Variants in TMEM154 observed in about 807,000 individuals in gnomAD.
TMEM154 encodes the protein transmembrane protein 154.
In TMEM154, 27 loss-of-function variants were observed where a neutral mutation model predicts 24.5. That is an observed-to-expected ratio of 1.10 (90% CI 0.81 to 1.52). The LOEUF (loss-of-function observed/expected upper bound fraction) is 1.52, where lower values mean the gene tolerates loss of function less well. Ranked by LOEUF, TMEM154 falls within the 40% of genes most tolerant of loss-of-function variation. TMEM154 has a pLI of 0.00. For synonymous variants in TMEM154, 67 were observed against 76.8 expected (o/e 0.87, Z 0.67); for missense variants, 228 against 213.4 (o/e 1.07, Z -0.43).
chr4:152,630,249 C>T (rs1407614629), intron 6 of TMEM154, among the ~76,000 whole-genome samples: 2 of 131,890 alleles, frequency 1.5e-5, no homozygotes, highest in Non-Finnish European at 1.5e-5. Context: ...CCGTTCGAGG[C>T]TGTAGTGAGC....
intron 1 of TMEM154, among the ~76,000 whole-genome samples, chr4:152,661,708 C>G (rs940639758): frequency 2.6e-5 from 4 of 152,146 alleles, no homozygotes; most frequent in Non-Finnish European, 5.9e-5. Flanking sequence ...GAGTGATCCC[C>G]AAGGTCCCAT....
chr4:152,679,910 T>C lies in TMEM154; in HGVS notation c.24A>G (p.Leu8=), dbSNP rs762842799. 38 of 1,610,880 alleles carry C rather than the reference T, an allele frequency of 2.4e-5. No homozygotes were observed. The African/African-American group carries it at 4.5e-4, about 19-fold the overall frequency. ...CGAGCGCGATCACCAGGGCGAAGAC[T>C]AGGGCTGCGCGGGGAGCCTGCATGT... MQAPRAA[L]VFALVIALVP... The change falls in exon 1 of 7, where the codon CTA becomes CTG. Residue 8 remains leucine (L), a synonymous_variant. Coordinates refer to ENST00000304385, the MANE Select transcript of TMEM154 (RefSeq NM_152680.3).
intron 1 of TMEM154, among the ~76,000 whole-genome samples, chr4:152,664,255 G>A (rs767476744): frequency 3.9e-5 from 6 of 152,014 alleles, no homozygotes; most frequent in East Asian, 1.9e-4. Flanking sequence ...GCCATCATTC[G>A]CAGCAAACTA....
intron 6 of TMEM154, among the ~76,000 whole-genome samples, chr4:152,638,640 T>A (rs947310869): frequency 3.9e-5 from 6 of 152,230 alleles, no homozygotes; most frequent in Non-Finnish European, 8.8e-5. Context: ...CTTACTTTGT[T>A]CTGGGCTTTG....
chr4:152,647,043 C>T (rs189601075), intron 3 of TMEM154: 3 of 781,742 alleles, frequency 3.8e-6, no homozygotes, highest in African/African-American at 3.4e-5. Context: ...GTTTCCCTTT[C>T]CCTGAACATG....
chr4:152,641,174 T>A (rs1331383940), intron 5 of TMEM154, 189 bp from the exon 6 acceptor site: 1 of 536,952 alleles, frequency 1.9e-6, no homozygotes, highest in African/African-American at 2.0e-5. Flanking sequence ...AAAGCACTAA[T>A]AACACAGATG....
At chr4:152,648,686 G>C (rs1289523977) in intron 3 of TMEM154, among the ~76,000 whole-genome samples, 1 of 152,200 alleles carries the variant, frequency 6.6e-6, no homozygotes, top group Non-Finnish European at 1.5e-5. Context: ...CCATGTCTGA[G>C]GTTGAGGCTG....
chr4:152,667,859 C>T (rs991038825), intron 1 of TMEM154, among the ~76,000 whole-genome samples: 1 of 152,232 alleles, frequency 6.6e-6, no homozygotes, highest in African/African-American at 2.4e-5. Flanking sequence ...AAAACACTTT[C>T]AGCCAGTAGT....
intron 1 of TMEM154, among the ~76,000 whole-genome samples, chr4:152,653,390 ATTT>A (rs56224803): frequency 3.5e-5 from 5 of 141,934 alleles, no homozygotes; most frequent in Admixed American, 7.1e-5. Context: ...CTGTGTCCTA[ATTT>A]TTTTTTTTTT....
At chr4:152,675,865 C>T (rs1331765305) in intron 1 of TMEM154, among the ~76,000 whole-genome samples, 2 of 152,178 alleles carry the variant, frequency 1.3e-5, no homozygotes, top group East Asian at 3.8e-4. Flanking sequence ...TTGAGCCCAT[C>T]CCAGTCAATA....
At chr4:152,653,539 GC>G (rs1728430916) in intron 1 of TMEM154, among the ~76,000 whole-genome samples, 2 of 151,554 alleles carry the variant, frequency 1.3e-5, no homozygotes, top group South Asian at 4.2e-4. Flanking sequence ...ACAGGCATGT[GC>G]CACCATACCC....
intron 3 of TMEM154, chr4:152,647,394 T>G: frequency 1.1e-6 from 1 of 941,048 alleles, no homozygotes; most frequent in Non-Finnish European, 1.3e-6. Context: ...ATTCAGTTTT[T>G]CTGAAAAGTT....
At chr4:152,668,200 C>G (rs897416226) in intron 1 of TMEM154, among the ~76,000 whole-genome samples, 1 of 151,434 alleles carries the variant, frequency 6.6e-6, no homozygotes, top group Admixed American at 6.6e-5. Context: ...TTAAAGAATG[C>G]GTATTTTTAG....
At chr4:152,667,275 C>T (rs1220038620) in intron 1 of TMEM154, among the ~76,000 whole-genome samples, 1 of 152,228 alleles carries the variant, frequency 6.6e-6, no homozygotes, top group African/African-American at 2.4e-5. Context: ...GTCATACATA[C>T]ACGGTGTATC....
chr4:152,630,844 A>T (rs1028822989), intron 6 of TMEM154, among the ~76,000 whole-genome samples: 3 of 152,204 alleles, frequency 2.0e-5, no homozygotes, highest in Admixed American at 6.5e-5. Flanking sequence ...TTTTCGTACA[A>T]AATGGGATCA....
chr4:152,620,157 A>G lies in TMEM154; in HGVS notation c.*8389T>C, dbSNP rs760333482. 2 of 152,126 alleles carry G rather than the reference A, an allele frequency of 1.3e-5. No homozygotes were observed. Among genetic ancestry groups the G allele is most frequent in the Non-Finnish European group, 2.9e-5 (2 of 68,038 alleles). 9.4% of individuals were successfully genotyped at this position (152,126 alleles called of 1,614,324 possible). On this transcript the variant is annotated 3_prime_UTR_variant, in exon 7 of 7. Coordinates refer to ENST00000304385, the MANE Select transcript of TMEM154 (RefSeq NM_152680.3). ...GCCAGTCTGCTTGAATGTCTTTCCA[A>G]TTCTAGCACTAAACACACCTGTCTC...
chr4:152,648,173 C>A (rs1728301834), intron 3 of TMEM154, among the ~76,000 whole-genome samples: 1 of 152,134 alleles, frequency 6.6e-6, no homozygotes, highest in Non-Finnish European at 1.5e-5. Flanking sequence ...GAGGATTATT[C>A]AAGGCTTCCT....
intron 6 of TMEM154, among the ~76,000 whole-genome samples, chr4:152,637,055 C>T (rs1258318385): frequency 6.6e-6 from 1 of 152,016 alleles, no homozygotes; most frequent in Non-Finnish European, 1.5e-5. Context: ...ATGTAGAACT[C>T]TGATGGGGGA....
rs1226038060 is a variant in TMEM154, at chr4:152,619,010, T to C, written c.*9536A>G. Reference sequence around the variant, plus strand: ...AAGATGATATGTAACTCCTAGCTCATTAAATAATTGGTTTTTCTGTTATTA... The same window carrying C: ...AAGATGATATGTAACTCCTAGCTCACTAAATAATTGGTTTTTCTGTTATTA... On this transcript the variant is annotated 3_prime_UTR_variant, in exon 7 of 7. Transcript: ENST00000304385. 2 of 152,216 alleles carry C rather than the reference T, an allele frequency of 1.3e-5. No homozygotes were observed. The highest frequency in any genetic ancestry group is 2.9e-5 in the Non-Finnish European group (2 of 68,040). 9.4% of individuals were successfully genotyped at this position (152,216 alleles called of 1,614,324 possible).
Sources: allele counts gnomAD v4.1 joint callset (sites outside exome capture counted in the v4.1 genomes callset), GRCh38; gene constraint gnomAD v4.1.1; transcripts MANE v1.5; gene names NCBI Gene and HGNC (gene_info 2026-07-23, HGNC 2026-07-21).